Variants in ATXN7L2 observed in about 807,000 individuals in gnomAD.
ATXN7L2 encodes the protein ataxin-7-like protein 2.
Under a neutral mutation model 59.6 loss-of-function variants are expected in ATXN7L2, and 17 were observed. The ratio of observed to expected loss-of-function variants is 0.29; its 90% CI spans 0.20 to 0.43. ATXN7L2 has a LOEUF of 0.43. Ranked by LOEUF, ATXN7L2 falls within the 20% of genes least tolerant of loss-of-function variation. ATXN7L2 has a pLI of 1.00. For missense variants in ATXN7L2, 858 were observed against 1,008.9 expected (o/e 0.85, Z 2.03); for synonymous variants, 378 against 392.5 (o/e 0.96, Z 0.44).
At chr1:109,485,173 A>C in intron 1 of ATXN7L2, 1 of 712,428 alleles carries the variant, frequency 1.4e-6, no homozygotes, top group Non-Finnish European at 1.7e-6. Flanking sequence ...GTGCATTGAG[A>C]ACCGGAAATG....
Position 109,483,973 on chromosome 1 carries a change from C to T in ATXN7L2, c.20C>T (p.Ala7Val). The change falls in exon 1 of 11, where the codon GCG becomes GTG. Residue 7 changes from alanine to valine, a missense_variant. Ala to Val is a moderately conservative substitution (Grantham distance 64). Coordinates refer to ENST00000683729, the MANE Select transcript of ATXN7L2 (RefSeq NM_001350175.2). MAVRER[A>V]AAAMAALERR... The stretch of plus-strand genomic sequence containing the variant: ...GCGGTGATGGCGGTGCGTGAACGCG[C>T]GGCGGCAGCAATGGCCGCTCTGGAG... 4 of 1,346,982 alleles carry T rather than the reference C, an allele frequency of 3.0e-6. No homozygotes were observed. Among genetic ancestry groups the T allele is most frequent in the Non-Finnish European group, 2.9e-6 (3 of 1,038,818 alleles). The allele number at this position is 1,346,982 out of a possible 1,614,324, so 83.4% of individuals were successfully genotyped here. A position where few individuals can be genotyped will look rare whatever the true frequency, so the allele number is the denominator to read the frequency against.
chr1:109,484,806 C>A (rs143203438), intron 1 of ATXN7L2, among the ~76,000 whole-genome samples: 7 of 152,334 alleles, frequency 4.6e-5, no homozygotes, highest in Non-Finnish European at 1.0e-4. Flanking sequence ...TGACAGCAGG[C>A]ATCACGCCCC....
intron 7 of ATXN7L2, 54 bp downstream of exon 7, chr1:109,489,154 A>G (rs1002627147): frequency 1.3e-6 from 2 of 1,565,504 alleles, no homozygotes; most frequent in East Asian, 2.3e-5. Flanking sequence ...CCCCTAAGCC[A>G]TCAGGGGCCC....
rs1571079616 is a variant in ATXN7L2 at position 109,486,329 on chromosome 1, G to A, written c.194-177G>A. 17 of 963,458 alleles carry A rather than the reference G, an allele frequency of 1.8e-5. No individual in the cohort carries two copies. The highest frequency in any genetic ancestry group is 5.8e-5 in the Admixed American group (2 of 34,262). The allele number at this position is 963,458 out of a possible 1,614,324, so 59.7% of individuals were successfully genotyped here. ...GGTGATTGCCCACTCACCTGAAAGC[G>A]TATACCCTTTGGGACTGCTTAGATC... On this transcript the variant is annotated intron_variant, in intron 2 of 10. Coordinates refer to ENST00000683729, the MANE Select transcript of ATXN7L2 (RefSeq NM_001350175.2). This position sits in a 1 kb window ranked among gnomAD's most constrained non-coding sequence, Gnocchi z 4.3.
Position 109,486,643 on chromosome 1 carries a change from C to A in ATXN7L2, c.298+33C>A. The A allele has an allele frequency of 6.4e-7, 1 of 1,562,468 alleles. No homozygotes were observed. The highest frequency in any genetic ancestry group is 1.4e-5 in the African/African-American group (1 of 73,904). On this transcript the variant is annotated intron_variant, in intron 3 of 10. Coordinates refer to ENST00000683729, the MANE Select transcript of ATXN7L2 (RefSeq NM_001350175.2). The surrounding 1 kb of genome is among the most constrained non-coding windows in gnomAD (Gnocchi z 4.3). ...GAGCCCTAGGGAGGAGATAAAGGGA[C>A]AGGGGAAGGTGGAGCATGGAACTCT...
chr1:109,491,950 G>A lies in ATXN7L2; in HGVS notation c.2250+233G>A. The A allele has an allele frequency of 8.1e-7, 1 of 1,233,822 alleles. No homozygotes were observed. The highest frequency in any genetic ancestry group is 1.0e-6 in the Non-Finnish European group (1 of 955,318). 76.4% of individuals were successfully genotyped at this position (1,233,822 alleles called of 1,614,324 possible). Reference sequence around the variant, plus strand: ...ACCCTTTCCCTTGGGCTGAGGAGATGCGGCACCCCTCCACCCCTGCTTTTG... The same window carrying A: ...ACCCTTTCCCTTGGGCTGAGGAGATACGGCACCCCTCCACCCCTGCTTTTG... On this transcript the variant is annotated intron_variant, in intron 10 of 10. Coordinates refer to ENST00000683729, the MANE Select transcript of ATXN7L2 (RefSeq NM_001350175.2). The surrounding 1 kb of genome is among the most constrained non-coding windows in gnomAD (Gnocchi z 4.1).
At chr1:109,484,381 G>T (rs533052867) in intron 1 of ATXN7L2, among the ~76,000 whole-genome samples, 125 of 151,470 alleles carry the variant, frequency 8.3e-4, no homozygotes, top group African/African-American at 2.9e-3. Flanking sequence ...CTCAGCTCGC[G>T]ACCCTCCTGC....
At position 109,484,006 on chromosome 1, in the gene ATXN7L2, TG is replaced by T. The variant is rs1656374830; in HGVS notation, c.54del (p.Pro19ArgfsTer41). ...GCAATGGCCGCTCTGGAGCGGCGGG[TG>T]CCGAGTCTCGATGACTTCGCGGGAC... ...AAAMAALERR[V>X]PSLDDFAGQS... On this transcript the variant is annotated frameshift_variant, in exon 1 of 11. Transcript: ENST00000683729. LOFTEE classifies it high-confidence loss of function. 1 of 1,359,046 alleles carries T rather than the reference TG, an allele frequency of 7.4e-7. No homozygotes were observed. Among genetic ancestry groups the T allele is most frequent in the Non-Finnish European group, 9.5e-7 (1 of 1,047,626 alleles). 84.2% of individuals were successfully genotyped at this position (1,359,046 alleles called of 1,614,324 possible).
downstream of ATXN7L2, chr1:109,492,737 CTG>C (rs1657201811): frequency 1.0e-6 from 1 of 982,632 alleles, no homozygotes. Flanking sequence ...TACCTCAAGA[CTG>C]TCTCCCTGTT....
At position 109,488,193 on chromosome 1, in the gene ATXN7L2, G is replaced by A. The variant is rs764246594; in HGVS notation, c.797-190G>A. Among the ~76,000 whole-genome samples, 4 of 152,214 alleles carry A rather than the reference G, an allele frequency of 2.6e-5. No individual in the cohort carries two copies. The highest frequency in any genetic ancestry group is 5.9e-5 in the Non-Finnish European group (4 of 68,044). The stretch of plus-strand genomic sequence containing the variant: ...AAAGGCGCACCTGAAATTGGGATAG[G>A]GATGGTTCTCACACCCAGCAAGGAG... On this transcript the variant is annotated intron_variant, in intron 5 of 10. Coordinates refer to ENST00000683729, the MANE Select transcript of ATXN7L2 (RefSeq NM_001350175.2). This position sits in a 1 kb window ranked among gnomAD's most constrained non-coding sequence, Gnocchi z 5.0.
intron 1 of ATXN7L2, among the ~76,000 whole-genome samples, chr1:109,484,466 C>T (rs1656425068): frequency 6.6e-6 from 1 of 150,736 alleles, no homozygotes; most frequent in African/African-American, 2.4e-5. Flanking sequence ...TGCCCCCTTC[C>T]TCACCCCCCT....
chr1:109,488,826 C>G lies in ATXN7L2; in HGVS notation c.880-21C>G, dbSNP rs1229338736. 6.2e-7 allele frequency: 1 copy of G among 1,605,948 alleles called. No individual in the cohort carries two copies. Among genetic ancestry groups the G allele is most frequent in the Non-Finnish European group, 8.5e-7 (1 of 1,174,324 alleles). ...CTCAGTTCATACCTACTCCCCAGCT[C>G]TCCACTCTGCTGTATTCTAGATCCA... On this transcript the variant is annotated intron_variant, in intron 6 of 10. Transcript: ENST00000683729. This position sits in a 1 kb window ranked among gnomAD's most constrained non-coding sequence, Gnocchi z 5.0.
chr1:109,490,363 G>A lies in ATXN7L2; in HGVS notation c.1425G>A (p.Leu475=), dbSNP rs1408014096. The A allele has an allele frequency of 6.2e-7, 1 of 1,613,688 alleles. No homozygotes were observed. The highest frequency in any genetic ancestry group is 1.7e-5 in the Admixed American group (1 of 60,020). The change falls in exon 9 of 11, where the codon CTG becomes CTA. Residue 475 remains leucine, a synonymous_variant. Transcript: ENST00000683729. ...TCTGCTCAGCACTCAGCTCCATGCTGGAACGGCACCTCAGCACACACATGT... is the reference window on the plus strand; with the variant it reads ...TCTGCTCAGCACTCAGCTCCATGCTAGAACGGCACCTCAGCACACACATGT... ...DRFCSALSSM[L]ERHLSTHMWK... is the part of the protein sequence containing the mutation.
intron 10 of ATXN7L2, 111 bp from the exon 11 acceptor site, chr1:109,492,475 G>T: frequency 7.0e-7 from 1 of 1,437,828 alleles, no homozygotes; most frequent in Non-Finnish European, 9.6e-7. Context: ...TACTCACCAG[G>T]CCAGCAGAAG....
At chr1:109,492,802 AAAT>A (rs1196330885), downstream of ATXN7L2, 5 of 669,098 alleles carry the variant, frequency 7.5e-6, no homozygotes, top group East Asian at 1.1e-4. Context: ...GAAGGAAAAA[AAAT>A]AACAAAATGA....
At chr1:109,484,610 G>T (rs1010640589) in intron 1 of ATXN7L2, among the ~76,000 whole-genome samples, 4 of 151,910 alleles carry the variant, frequency 2.6e-5, no homozygotes, top group African/African-American at 9.7e-5. Flanking sequence ...TCCATCCTTC[G>T]GTCCATCCAT....
chr1:109,487,432 G>A, intron 4 of ATXN7L2, 86 bp from the exon 5 acceptor site: 1 of 1,344,666 alleles, frequency 7.4e-7, no homozygotes, highest in Non-Finnish European at 9.7e-7. Flanking sequence ...CCAGGGCTGG[G>A]AAAGAGATGG....
In ATXN7L2 at chr1:109,492,627, G is replaced by C. The variant is rs1657190342; in HGVS notation, c.*27G>C. On this transcript the variant is annotated 3_prime_UTR_variant, in exon 11 of 11. Transcript: ENST00000683729. The stretch of plus-strand genomic sequence containing the variant: ...GAGAAAGTGCCTGCCCACTGCAACG[G>C]AGCCGCCAGCACCTCCTCCCCTCCA... 6.2e-7 allele frequency: 1 copy of C among 1,612,710 alleles called. No individual in the cohort carries two copies. Among genetic ancestry groups the C allele is most frequent in the Non-Finnish European group, 8.5e-7 (1 of 1,179,702 alleles).
At chr1:109,492,796 G>A, downstream of ATXN7L2, 2 of 695,616 alleles carry the variant, frequency 2.9e-6, no homozygotes, top group African/African-American at 1.8e-5. Context: ...GAAAAGGAAG[G>A]AAAAAAAATA....
Sources: allele counts gnomAD v4.1 joint callset (sites outside exome capture counted in the v4.1 genomes callset), GRCh38; gene constraint gnomAD v4.1.1; non-coding constraint Gnocchi (gnomAD v3.1); transcripts MANE v1.5; gene names NCBI Gene and HGNC (gene_info 2026-07-23, HGNC 2026-07-21).